The following DAAM2 variants were observed in gnomAD, a reference collection of about 807,000 sequenced individuals.
The protein encoded by DAAM2 is disheveled-associated activator of morphogenesis 2.
A neutral mutation model predicts 120.7 loss-of-function variants in DAAM2; 39 were observed. That is an observed-to-expected ratio of 0.32 (90% CI 0.25 to 0.42). The LOEUF is 0.42. DAAM2 is among the 10% of genes least tolerant of loss of function. The pLI, the probability that DAAM2 is intolerant of heterozygous loss-of-function variation, is 1.00. For missense variants in DAAM2, 1,283 were observed against 1,401.7 expected (o/e 0.92, Z 1.35); for synonymous variants, 488 against 524.9 (o/e 0.93, Z 0.96).
chr6:39,834,200 G>T (rs898327958), intron 1 of DAAM2, among the ~76,000 whole-genome samples: 9 of 152,128 alleles, frequency 5.9e-5, no homozygotes, highest in Non-Finnish European at 4.4e-5. Context: ...TCCACCAGGG[G>T]TAAATATAAG....
rs1205656383 is a variant in DAAM2 at position 39,879,391 on chromosome 6, C to A, written c.1759C>A (p.Pro587Thr). 4 of 1,613,766 alleles carry A rather than the reference C, an allele frequency of 2.5e-6. No homozygotes were observed. The highest frequency in any genetic ancestry group is 3.4e-6 in the Non-Finnish European group (4 of 1,179,848). The change falls in exon 14 of 25, where the codon CCC (proline) becomes ACC (threonine). Residue 587 changes from proline (P) to threonine (T), a missense_variant. Physicochemically the swap from Pro to Thr is conservative, Grantham distance 38 (BLOSUM62 -1). Transcript: ENST00000274867. ...CCTGCCCCTCCCTCAGGACCCCTAC[C>A]CCAGCAGTGACGTCCCACTCAGGAA... is the stretch of plus-strand genomic sequence containing the variant. ...MGLPLPQDPYPSSDVPLRKKR... is the reference protein window; with the variant it reads ...MGLPLPQDPYTSSDVPLRKKR...
chr6:39,843,518 TG>T (rs1260160999), intron 1 of DAAM2, among the ~76,000 whole-genome samples: 2 of 152,214 alleles, frequency 1.3e-5, no homozygotes, highest in Non-Finnish European at 2.9e-5. Flanking sequence ...AAAGGCTGCC[TG>T]CGCTGGCTGC....
At chr6:39,793,517 TCA>T (rs754426462) in intron 1 of DAAM2, among the ~76,000 whole-genome samples, 40 of 151,820 alleles carry the variant, frequency 2.6e-4, no homozygotes, top group Non-Finnish European at 5.0e-4. Context: ...TAGAGGAAAA[TCA>T]CACCTCTCCG....
chr6:39,860,982 G>A lies in DAAM2; in HGVS notation c.223G>A (p.Glu75Lys). The A allele has an allele frequency of 1.2e-6, 2 of 1,612,956 alleles. No individual in the cohort carries two copies. Among genetic ancestry groups the A allele is most frequent in the South Asian group, 1.1e-5 (1 of 90,594 alleles). ...AGAGGCTATGTTTGCACTGCCCCCT[G>A]AGAAGAAATGGCAGATCTACTGCAG... ...NREAMFALPPEKKWQIYCSKK... is the reference protein window; with the variant it reads ...NREAMFALPPKKKWQIYCSKK... Residue 75 changes from glutamate (E) to lysine (K), a missense_variant, in exon 3 of 25, where the codon GAG becomes AAG. Physicochemically the swap from Glu to Lys is moderately conservative, Grantham distance 56. Transcript: ENST00000274867.
chr6:39,795,272 A>G (rs144389485), intron 1 of DAAM2, among the ~76,000 whole-genome samples: 2 of 152,208 alleles, frequency 1.3e-5, no homozygotes, highest in Non-Finnish European at 2.9e-5. Context: ...AAGTTGAAGG[A>G]TATCCTTGGC....
At chr6:39,827,683 G>T (rs1356827516) in intron 1 of DAAM2, among the ~76,000 whole-genome samples, 1 of 152,140 alleles carries the variant, frequency 6.6e-6, no homozygotes, top group Non-Finnish European at 1.5e-5. Flanking sequence ...ACTCTTCAGG[G>T]TCTCTGTCTT....
chr6:39,871,612 T>C (rs1306116216), intron 9 of DAAM2, 40 bp downstream of exon 9: 1 of 1,533,536 alleles, frequency 6.5e-7, no homozygotes, highest in Admixed American at 2.0e-5. Context: ...AATGGGGTAG[T>C]AGGGTTCTTG....
intron 1 of DAAM2, among the ~76,000 whole-genome samples, chr6:39,830,582 G>A (rs1009773431): frequency 6.6e-6 from 1 of 152,160 alleles, no homozygotes; most frequent in African/African-American, 2.4e-5. Flanking sequence ...GCAGGAGAGA[G>A]GGCCGCCTGG....
chr6:39,815,679 CACACA>C (rs1762287947), intron 1 of DAAM2, among the ~76,000 whole-genome samples: 1 of 134,936 alleles, frequency 7.4e-6, no homozygotes, highest in Non-Finnish European at 1.6e-5. Flanking sequence ...CACACACACA[CACACA>C]CCGTTTACAC....
chr6:39,837,682 AAAAAG>A (rs1763162276), intron 1 of DAAM2, among the ~76,000 whole-genome samples: 5 of 151,200 alleles, frequency 3.3e-5, no homozygotes, highest in African/African-American at 1.2e-4. Context: ...AAAAAAAAAA[AAAAAG>A]AAAAGAAAAA....
intron 1 of DAAM2, among the ~76,000 whole-genome samples, chr6:39,817,528 T>C (rs748888485): frequency 1.3e-5 from 2 of 152,152 alleles, no homozygotes; most frequent in Non-Finnish European, 2.9e-5. Flanking sequence ...GTCCTCACAA[T>C]TAAAAGCTCT....
At chr6:39,844,371 G>GACACACAC (rs58561482) in intron 1 of DAAM2, among the ~76,000 whole-genome samples, 1 of 149,468 alleles carries the variant, frequency 6.7e-6, no homozygotes, top group South Asian at 2.1e-4. Context: ...ACATCTGCTG[G>GACACACAC]ACACACACAC....
intron 1 of DAAM2, among the ~76,000 whole-genome samples, chr6:39,800,273 TG>T (rs768560401): frequency 2.6e-4 from 40 of 152,196 alleles, no homozygotes; most frequent in Admixed American, 1.9e-3. Context: ...CTGACCACCC[TG>T]GGGTGTGACT....
intron 3 of DAAM2, among the ~76,000 whole-genome samples, chr6:39,863,299 AG>A (rs1764291085): frequency 6.6e-6 from 1 of 152,200 alleles, no homozygotes; most frequent in African/African-American, 2.4e-5. Flanking sequence ...CCAAGGCAGA[AG>A]GCAGAATGTT....
intron 1 of DAAM2, among the ~76,000 whole-genome samples, chr6:39,827,190 T>C (rs977158707): frequency 2.0e-5 from 3 of 152,178 alleles, no homozygotes; most frequent in South Asian, 2.1e-4. Context: ...AATTCGAAAA[T>C]TGGGTTCTAG....
chr6:39,853,382 CAT>C (rs1156393716), intron 1 of DAAM2, among the ~76,000 whole-genome samples: 1 of 152,206 alleles, frequency 6.6e-6, no homozygotes, highest in Non-Finnish European at 1.5e-5. Flanking sequence ...CAAAAAGACA[CAT>C]ATGCAGCAGC....
intron 15 of DAAM2, chr6:39,886,580 T>C (rs1293889495): frequency 7.5e-6 from 3 of 397,766 alleles, no homozygotes; most frequent in African/African-American, 6.2e-5. Context: ...CAGGGTGGTA[T>C]GGGAGAGGGC....
At chr6:39,820,831 A>G (rs961422563) in intron 1 of DAAM2, 2 of 152,214 alleles carry the variant, frequency 1.3e-5, no homozygotes, top group Non-Finnish European at 2.9e-5. Context: ...TAAAGTTCCT[A>G]TTGGGACTAA....
chr6:39,821,094 A>G (rs1197328336), intron 1 of DAAM2: 1 of 152,208 alleles, frequency 6.6e-6, no homozygotes, highest in Admixed American at 6.5e-5. Flanking sequence ...GGAGGATGCT[A>G]GCTTATCCTC....
Sources: allele counts gnomAD v4.1 joint callset (sites outside exome capture counted in the v4.1 genomes callset), GRCh38; gene constraint gnomAD v4.1.1; transcripts MANE v1.5; gene names NCBI Gene and HGNC (gene_info 2026-07-23, HGNC 2026-07-21).